TNFSF18: variants seen among roughly 807,000 people sequenced by gnomAD.
TNFSF18 encodes the protein TNF superfamily member 18.
In TNFSF18, 6 loss-of-function variants were observed where a neutral mutation model predicts 9.6. The observed-to-expected ratio is 0.63, with a 90% CI of 0.34 to 1.24. The LOEUF is 1.24. Among genes scored for constraint, TNFSF18 ranks in the 50% most tolerant of loss-of-function variants. The pLI is 0.03. For synonymous variants in TNFSF18, 68 were observed against 71.7 expected (o/e 0.95, Z 0.26); for missense variants, 210 against 201.0 (o/e 1.04, Z -0.27).
chr1:173,044,964 G>C (rs1297488841), intron 1 of TNFSF18, among the ~76,000 whole-genome samples: 1 of 152,170 alleles, frequency 6.6e-6, no homozygotes, highest in Non-Finnish European at 1.5e-5. Flanking sequence ...GATGACTCCA[G>C]TATTTTAGGC....
chr1:173,041,902 T>A (rs2101925950), intron 2 of TNFSF18, among the ~76,000 whole-genome samples, 189 bp from the exon 3 acceptor site: 1 of 152,240 alleles, frequency 6.6e-6, no homozygotes. Flanking sequence ...AAATTGCAAA[T>A]CCAAAGAGTA....
intron 1 of TNFSF18, among the ~76,000 whole-genome samples, chr1:173,048,986 T>C (rs1665125671): frequency 6.6e-6 from 1 of 152,220 alleles, no homozygotes; most frequent in South Asian, 2.1e-4. Context: ...CCTGCAAGTG[T>C]CCTGTCAGAA....
rs1404114532 is a variant in TNFSF18, at chr1:173,041,260, G to T, written c.*107C>A. 4.2e-6 allele frequency: 4 copies of T among 946,488 alleles called. No individual in the cohort carries two copies. The Admixed American group carries it at 1.1e-4, about 27-fold the overall frequency. The allele number at this position is 946,488 out of a possible 1,614,324, so 58.6% of individuals were successfully genotyped here. A position where few individuals can be genotyped will look rare whatever the true frequency, so the allele number is the denominator to read the frequency against. ...CGTGCAGAGGAGTTCTGTTTGTGTT[G>T]ATTTTTGTAGACAGACAAACTCTAG... On this transcript the variant is annotated 3_prime_UTR_variant, in exon 3 of 3. Transcript: ENST00000404377.
At chr1:173,049,276 T>G (rs1327729149) in intron 1 of TNFSF18, among the ~76,000 whole-genome samples, 2 of 152,216 alleles carry the variant, frequency 1.3e-5, no homozygotes, top group Non-Finnish European at 2.9e-5. Context: ...ATGATGCTTA[T>G]ATTCAGTGTT....
chr1:173,048,200 C>T (rs1571473983), intron 1 of TNFSF18, among the ~76,000 whole-genome samples: 1 of 152,170 alleles, frequency 6.6e-6, no homozygotes, highest in African/African-American at 2.4e-5. Context: ...ACCTCTACCA[C>T]TCTGTGGGGT....
At chr1:173,045,874 T>C (rs1665073336) in intron 1 of TNFSF18, among the ~76,000 whole-genome samples, 1 of 152,172 alleles carries the variant, frequency 6.6e-6, no homozygotes, top group South Asian at 2.1e-4. Flanking sequence ...AGAATAACAG[T>C]ATACCTGGAC....
chr1:173,042,809 G>A (rs1489922757), intron 2 of TNFSF18, among the ~76,000 whole-genome samples: 1 of 152,026 alleles, frequency 6.6e-6, no homozygotes, highest in African/African-American at 2.4e-5. Context: ...AAAACTTGAT[G>A]AGGAAACACC....
chr1:173,047,219 T>G (rs1305427734), intron 1 of TNFSF18, among the ~76,000 whole-genome samples: 8 of 152,104 alleles, frequency 5.3e-5, no homozygotes, highest in Non-Finnish European at 1.2e-4. Flanking sequence ...TCATCCTCAT[T>G]TTGGTGTTTC....
chr1:173,048,275 T>C (rs555886758), intron 1 of TNFSF18, among the ~76,000 whole-genome samples: 1 of 152,322 alleles, frequency 6.6e-6, no homozygotes, highest in East Asian at 1.9e-4. Flanking sequence ...AAGACACATA[T>C]GGGTTCGTTA....
chr1:173,050,756 A>C lies in TNFSF18; in HGVS notation c.141T>G (p.Ile47Met). ...FLCSFSWLIF[I>M]FLQLETAKEP... Reference sequence around the variant, plus strand: ...GCCTCCTTACCTCTAATTGGAGAAAAATAAAGATTAGCCAACTGAAGGAGC... The same window carrying C: ...GCCTCCTTACCTCTAATTGGAGAAACATAAAGATTAGCCAACTGAAGGAGC... The change falls in exon 1 of 3, where the codon ATT becomes ATG. Residue 47 changes from isoleucine (I) to methionine (M), a missense_variant. Transcript: ENST00000404377. The C allele has an allele frequency of 6.2e-7, 1 of 1,606,998 alleles. No homozygotes were observed. Among genetic ancestry groups the C allele is most frequent in the South Asian group, 1.1e-5 (1 of 89,508 alleles).
intron 1 of TNFSF18, among the ~76,000 whole-genome samples, chr1:173,044,265 C>CA (rs1553199736): frequency 9.2e-5 from 14 of 151,534 alleles, no homozygotes; most frequent in Admixed American, 7.2e-4. Flanking sequence ...ACCCCCCCCC[C>CA]AACCTTGGGC....
At chr1:173,042,807 A>G (rs1045432907) in intron 2 of TNFSF18, among the ~76,000 whole-genome samples, 8 of 152,104 alleles carry the variant, frequency 5.3e-5, no homozygotes, top group Admixed American at 1.3e-4. Context: ...AGAAAACTTG[A>G]TGAGGAAACA....
chr1:173,043,303 T>A (rs1665021008), intron 2 of TNFSF18, among the ~76,000 whole-genome samples: 1 of 152,120 alleles, frequency 6.6e-6, no homozygotes. Context: ...CAACTGAAAA[T>A]GTATGTTTGG....
chr1:173,043,788 C>T (rs1277957299), intron 2 of TNFSF18, 151 bp downstream of exon 2: 11 of 736,936 alleles, frequency 1.5e-5, no homozygotes, highest in Admixed American at 1.3e-4. Flanking sequence ...AGCCTCAGCT[C>T]TTGGGCAACT....
At chr1:173,045,631 TTTTTG>T (rs1253824077) in intron 1 of TNFSF18, among the ~76,000 whole-genome samples, 9 of 136,678 alleles carry the variant, frequency 6.6e-5, no homozygotes, top group Non-Finnish European at 1.3e-4. Context: ...TCAAAGAGGT[TTTTTG>T]TTGTTGTTGT....
In TNFSF18 at chr1:173,039,534, G is replaced by T. The variant is rs1014694764; in HGVS notation, c.*1833C>A. Reference sequence around the variant, plus strand: ...TCCAAAAGGAAAATGTGTAGTGTTTGCCAATTTACATGGTATAAATACTCC... The same window carrying T: ...TCCAAAAGGAAAATGTGTAGTGTTTTCCAATTTACATGGTATAAATACTCC... On this transcript the variant is annotated 3_prime_UTR_variant, in exon 3 of 3. Transcript: ENST00000404377. 2.6e-5 allele frequency among the ~76,000 whole-genome samples: 4 copies of T among 152,034 alleles called. No homozygotes were observed. The highest frequency in any genetic ancestry group is 9.7e-5 in the African/African-American group (4 of 41,360).
At chr1:173,045,633 TTTG>T (rs142244941) in intron 1 of TNFSF18, among the ~76,000 whole-genome samples, 3,640 of 151,210 alleles carry the variant, frequency 0.024, 78 homozygotes, top group African/African-American at 0.052. Flanking sequence ...AAAGAGGTTT[TTTG>T]TTGTTGTTGT....
Position 173,041,647 on chromosome 1 carries a change from C to T in TNFSF18, c.254G>A (p.Trp85Ter), listed in dbSNP as rs747763253. 1 of 1,613,348 alleles carries T rather than the reference C, an allele frequency of 6.2e-7. No individual in the cohort carries two copies. Among genetic ancestry groups the T allele is most frequent in the Admixed American group, 1.7e-5 (1 of 59,938 alleles). The change falls in exon 3 of 3, where the codon TGG becomes TAG. Residue 85 changes from tryptophan to a stop codon, truncating the protein, a stop_gained. Coordinates refer to ENST00000404377, the MANE Select transcript of TNFSF18 (RefSeq NM_005092.4). LOFTEE classifies it low-confidence loss of function (END_TRUNC). ...EPPCVNKVSDWKLEILQNGLY... is the reference protein window; with the variant it reads ...EPPCVNKVSD Reference sequence around the variant, plus strand: ...GCCATTCTGAAGTATCTCCAGCTTCCAGTCAGACACCTTATTCACGCAAGG... The same window carrying T: ...GCCATTCTGAAGTATCTCCAGCTTCTAGTCAGACACCTTATTCACGCAAGG...
chr1:173,045,542 A>G (rs1230529899), intron 1 of TNFSF18, among the ~76,000 whole-genome samples: 1 of 152,140 alleles, frequency 6.6e-6, no homozygotes, highest in Non-Finnish European at 1.5e-5. Context: ...TTAAGGGTAA[A>G]TGGGACAAGA....
Sources: gnomAD v4.1 joint callset for allele counts (sites outside exome capture counted in the v4.1 genomes callset) on GRCh38, gnomAD v4.1.1 for gene constraint, MANE v1.5 for transcripts, NCBI Gene and HGNC (gene_info 2026-07-23, HGNC 2026-07-21) for gene names.